SMIM41: variants seen among roughly 807,000 people sequenced by gnomAD.
SMIM41 encodes small integral membrane protein 41.
Position 52,082,427 on chromosome 12 carries a change from G to T in SMIM41, c.*121-1467G>T, listed in dbSNP as rs1239497761. 3.9e-5 allele frequency among the ~76,000 whole-genome samples: 6 copies of T among 152,148 alleles called. No homozygotes were observed. In the East Asian group the frequency reaches 9.7e-4, roughly 24 times the overall value. On this transcript the variant is annotated intron_variant, in intron 1 of 2. Transcript: ENST00000546390. ...TGTTCCTGAGTCCAGTGCTTGGAGG[G>T]CAGGGCGTGGGGTGTGCCAGGGACC...
rs548698163 is a variant in SMIM41 at position 52,086,126 on chromosome 12, G to C, written c.*195+2158G>C. On this transcript the variant is annotated intron_variant, in intron 2 of 2. Transcript: ENST00000546390. Reference sequence around the variant, plus strand: ...GAGCAGACAAGGAGTGCTCAGGGATGGGGGAGGGAGCCCGAGGAGTGGGCT... The same window carrying C: ...GAGCAGACAAGGAGTGCTCAGGGATCGGGGAGGGAGCCCGAGGAGTGGGCT... Among the ~76,000 whole-genome samples, 13 of 152,336 alleles carry C rather than the reference G, an allele frequency of 8.5e-5. No homozygotes were observed. In the East Asian group the frequency reaches 2.5e-3, roughly 29 times the overall value.
rs1469178739 is a variant in SMIM41, at chr12:52,081,399, G to A, written c.*120+1218G>A. Among the ~76,000 whole-genome samples, 1 of 152,102 alleles carries A rather than the reference G, an allele frequency of 6.6e-6. No homozygotes were observed. ...TGGGCAGGTGCAGCTAAGCAGCTGC[G>A]AAGCTAACGACAACGTGTGATCCCT... On this transcript the variant is annotated intron_variant, in intron 1 of 2. Transcript: ENST00000546390. The surrounding 1 kb of genome is among the most constrained non-coding windows in gnomAD (Gnocchi z 4.1).
At chr12:52,098,739 G>GA (rs111875010) in intron 2 of SMIM41, among the ~76,000 whole-genome samples, 16,724 of 150,696 alleles carry the variant, frequency 0.11, 3,088 homozygotes, top group African/African-American at 0.38. Flanking sequence ...TATCACGGGG[G>GA]GGGGGGTGTA....
rs574173960 is a variant in SMIM41, at chr12:52,102,402, CT to C, written c.*196-4973del. ...TTGGATTACATCTAAATGACAGACA[CT>C]TTTGTACATCAAAAAACACTGTGAA... On this transcript the variant is annotated intron_variant, in intron 2 of 2. Coordinates refer to ENST00000546390, the MANE Select transcript of SMIM41 (RefSeq NM_001369216.1). Among the ~76,000 whole-genome samples, 21 of 152,322 alleles carry C rather than the reference CT, an allele frequency of 1.4e-4. No homozygotes were observed. The South Asian group carries it at 4.1e-3, about 30-fold the overall frequency.
chr12:52,107,861 C>G lies in SMIM41; in HGVS notation c.*678C>G, dbSNP rs1322615925. ...ACCTGCTTCAAGGAGGTGGACATTC[C>G]TAATTTCTTCTGTGACCTTTCTCAA... On this transcript the variant is annotated 3_prime_UTR_variant, in exon 3 of 3. Coordinates refer to ENST00000546390, the MANE Select transcript of SMIM41 (RefSeq NM_001369216.1). 25 of 326,400 alleles carry G rather than the reference C, an allele frequency of 7.7e-5. No individual in the cohort carries two copies. Among genetic ancestry groups the G allele is most frequent in the Non-Finnish European group, 1.4e-4 (23 of 167,994 alleles). The allele number at this position is 326,400 out of a possible 1,614,324, so 20.2% of individuals were successfully genotyped here.
intron 2 of SMIM41, among the ~76,000 whole-genome samples, chr12:52,103,994 T>G (rs1177340368): frequency 7.6e-6 from 1 of 132,010 alleles, no homozygotes; most frequent in Non-Finnish European, 1.5e-5. Flanking sequence ...AACTGTAAAC[T>G]GAAAAATAGT....
intron 2 of SMIM41, among the ~76,000 whole-genome samples, chr12:52,106,558 G>A (rs1940343588): frequency 6.6e-6 from 1 of 152,116 alleles, no homozygotes; most frequent in East Asian, 1.9e-4. Flanking sequence ...TGGCCAGGAT[G>A]GTCTTGATCT....
chr12:52,082,159 C>A (rs11169994), intron 1 of SMIM41: 11,086 of 152,308 alleles, frequency 0.073, 455 homozygotes, highest in South Asian at 0.088. Context: ...AGAGGGTCAG[C>A]TGGAATAAAC....
rs868441686 is a variant in SMIM41, at chr12:52,079,715, G to A, written c.-65G>A. 4 of 389,462 alleles carry A rather than the reference G, an allele frequency of 1.0e-5. No homozygotes were observed. Among genetic ancestry groups the A allele is most frequent in the Middle Eastern group, 1.3e-3 (2 of 1,536 alleles). The allele number at this position is 389,462 out of a possible 1,614,324, so 24.1% of individuals were successfully genotyped here. On this transcript the variant is annotated 5_prime_UTR_variant, in exon 1 of 3. Transcript: ENST00000546390. ...CCCTCCCCGACGCAGCCGCCGGCCC[G>A]CCCGCCAGTCTGGGCTCCTGCACAT...
chr12:52,079,847 C>G lies in SMIM41; in HGVS notation c.68C>G (p.Ala23Gly). 2.5e-6 allele frequency: 1 copy of G among 393,080 alleles called. No homozygotes were observed. Among genetic ancestry groups the G allele is most frequent in the Middle Eastern group, 6.3e-4 (1 of 1,590 alleles). 24.3% of individuals were successfully genotyped at this position (393,080 alleles called of 1,614,324 possible). A position where few individuals can be genotyped will look rare whatever the true frequency, so the allele number is the denominator to read the frequency against. Residue 23 changes from alanine to glycine, a missense_variant, in exon 1 of 3, where the codon GCG becomes GGG. By Grantham distance (60) the Ala-to-Gly change is moderately conservative (BLOSUM62 0). Coordinates refer to ENST00000546390, the MANE Select transcript of SMIM41 (RefSeq NM_001369216.1). ...CTGAGCTCCTGCTGTAACCAGTCGG[C>G]GTCGCCGCCGGAGCCCCCCGAGGGG... is the stretch of plus-strand genomic sequence containing the variant. The part of the protein sequence containing the change: ...AWLSSCCNQS[A>G]SPPEPPEGPR...
Position 52,081,757 on chromosome 12 carries a change from T to G in SMIM41, c.*120+1576T>G. 6.6e-6 allele frequency among the ~76,000 whole-genome samples: 1 copy of G among 151,892 alleles called. No individual in the cohort carries two copies. Among genetic ancestry groups the G allele is most frequent in the African/African-American group, 2.4e-5 (1 of 41,320 alleles). ...CTCCTTTCCCAGCTGGGAGAGAGGG[T>G]CTCCAGATCACTGGGAACCCCTTTC... On this transcript the variant is annotated intron_variant, in intron 1 of 2. Transcript: ENST00000546390. This position sits in a 1 kb window ranked among gnomAD's most constrained non-coding sequence, Gnocchi z 4.1.
chr12:52,104,675 G>C (rs1046693083), intron 2 of SMIM41, among the ~76,000 whole-genome samples: 16 of 111,370 alleles, frequency 1.4e-4, no homozygotes, highest in East Asian at 2.8e-4. Context: ...GTTATGGTCG[G>C]GGGGGGGCGG....
At chr12:52,096,387 G>A (rs1314349608) in intron 2 of SMIM41, among the ~76,000 whole-genome samples, 1 of 151,980 alleles carries the variant, frequency 6.6e-6, no homozygotes, top group African/African-American at 2.4e-5. Context: ...CACCTACTGC[G>A]ATATTGAAAG....
chr12:52,094,672 CT>C (rs976403906), intron 2 of SMIM41: 1 of 152,854 alleles, frequency 6.5e-6, no homozygotes, highest in Non-Finnish European at 1.5e-5. Flanking sequence ...TCCTGCTGTG[CT>C]CTCACCTCTT....
intron 2 of SMIM41, chr12:52,092,125 A>G (rs1214833507): frequency 6.6e-6 from 1 of 152,248 alleles, no homozygotes; most frequent in Non-Finnish European, 1.5e-5. Context: ...AAACATTGGG[A>G]ACAGACTCAA....
intron 2 of SMIM41, among the ~76,000 whole-genome samples, chr12:52,095,330 C>T (rs928465058): frequency 1.3e-5 from 2 of 151,690 alleles, no homozygotes; most frequent in Non-Finnish European, 2.9e-5. Context: ...GCGGGCGCCC[C>T]CCGCGATTCG....
intron 2 of SMIM41, among the ~76,000 whole-genome samples, chr12:52,096,241 G>A (rs1940091376): frequency 6.6e-6 from 1 of 151,678 alleles, no homozygotes; most frequent in African/African-American, 2.4e-5. Flanking sequence ...GATACTGGGA[G>A]TAATAGCATT....
chr12:52,086,956 C>G (rs1298854231), intron 2 of SMIM41, among the ~76,000 whole-genome samples: 1 of 152,314 alleles, frequency 6.6e-6, no homozygotes, highest in African/African-American at 2.4e-5. Flanking sequence ...ACCCAGGCTG[C>G]TGGGTGCCCC....
In SMIM41 at chr12:52,107,698, C is replaced by T. The variant is rs1160235318; in HGVS notation, c.*515C>T. On this transcript the variant is annotated 3_prime_UTR_variant, in exon 3 of 3. Coordinates refer to ENST00000546390, the MANE Select transcript of SMIM41 (RefSeq NM_001369216.1). The stretch of plus-strand genomic sequence containing the variant: ...GCTCCTGAGTGTGATGGCCTATGAC[C>T]GGTTTGTAGCCATCTGTCACCCTCT... The T allele has an allele frequency of 3.6e-5, 18 of 497,730 alleles. No homozygotes were observed. The highest frequency in any genetic ancestry group is 1.6e-4 in the Admixed American group (7 of 44,426). 30.8% of individuals were successfully genotyped at this position (497,730 alleles called of 1,614,324 possible). A position where few individuals can be genotyped will look rare whatever the true frequency, so the allele number is the denominator to read the frequency against.
Sources: allele counts gnomAD v4.1 joint callset (sites outside exome capture counted in the v4.1 genomes callset), GRCh38; gene constraint gnomAD v4.1.1; non-coding constraint Gnocchi (gnomAD v3.1); transcripts MANE v1.5; gene names NCBI Gene and HGNC (gene_info 2026-07-23, HGNC 2026-07-21).